Variants in ANTXR2 observed in about 807,000 individuals in gnomAD.
ANTXR2 encodes anthrax toxin receptor 2.
Under a neutral mutation model 73.7 loss-of-function variants are expected in ANTXR2, and 44 were observed. That is an observed-to-expected ratio of 0.60 (90% confidence interval 0.47 to 0.77). ANTXR2 has a LOEUF of 0.77. Ranked by LOEUF, ANTXR2 falls within the 30% of genes least tolerant of loss-of-function variation. ANTXR2 has a pLI of 0.00. For missense variants in ANTXR2, 604 were observed against 592.5 expected, an observed-to-expected ratio of 1.02 and a Z score of -0.20; for synonymous variants, 217 against 205.9, an observed-to-expected ratio of 1.05 and a Z score of -0.46.
At chr4:79,907,523 T>C (rs1321452296) in intron 16 of ANTXR2, 56 bp from the exon 17 acceptor site, 9 of 1,526,338 alleles carry the variant, frequency 5.9e-6, no homozygotes, top group Non-Finnish European at 8.2e-6. Flanking sequence ...TAAAAAAGCA[T>C]GAGAACATCT....
intron 10 of ANTXR2, among the ~76,000 whole-genome samples, chr4:80,026,317 T>TC (rs1328255803): frequency 6.6e-6 from 1 of 151,950 alleles, no homozygotes; most frequent in South Asian, 2.1e-4. Flanking sequence ...AGGTCTTTGC[T>TC]CCCCCTTAGC....
chr4:80,013,090 GAAA>G (rs1161655910), intron 11 of ANTXR2, among the ~76,000 whole-genome samples: 3 of 151,356 alleles, frequency 2.0e-5, no homozygotes, highest in African/African-American at 4.8e-5. Flanking sequence ...GATTCCAAGA[GAAA>G]AAAAAGGACA....
At chr4:80,050,376 G>A (rs1180535833) in intron 7 of ANTXR2, among the ~76,000 whole-genome samples, 1 of 151,498 alleles carries the variant, frequency 6.6e-6, no homozygotes, top group African/African-American at 2.4e-5. Flanking sequence ...TCAGTGCCAT[G>A]TCCTTTTGTA....
chr4:79,912,217 G>A (rs1195433365), intron 16 of ANTXR2, among the ~76,000 whole-genome samples: 2 of 151,754 alleles, frequency 1.3e-5, no homozygotes, highest in East Asian at 1.9e-4. Flanking sequence ...ATGCTATAGC[G>A]AAATACATTT....
At position 80,072,764 on chromosome 4, in the gene ANTXR2, A is replaced by T; in HGVS notation, c.-204T>A. ...TGAGAGGACAAAGGGAGTCTCCGCCACCGCCGCAGCTGCCGCCGGAACTCT... is the reference window on the plus strand; with the variant it reads ...TGAGAGGACAAAGGGAGTCTCCGCCTCCGCCGCAGCTGCCGCCGGAACTCT... On this transcript the variant is annotated 5_prime_UTR_variant, in exon 1 of 17. Coordinates refer to ENST00000403729, the MANE Select transcript of ANTXR2 (RefSeq NM_058172.6). 1 of 1,255,358 alleles carries T rather than the reference A, an allele frequency of 8.0e-7. No homozygotes were observed. The highest frequency in any genetic ancestry group is 1.0e-6 in the Non-Finnish European group (1 of 993,328). The allele number at this position is 1,255,358 out of a possible 1,614,324, so 77.8% of individuals were successfully genotyped here.
chr4:79,925,393 T>G (rs1727745324), intron 16 of ANTXR2, among the ~76,000 whole-genome samples: 1 of 151,958 alleles, frequency 6.6e-6, no homozygotes, highest in Non-Finnish European at 1.5e-5. Context: ...TTAACATATG[T>G]TTAAAACAGA....
In ANTXR2 at chr4:80,016,344, T is replaced by C. The variant is rs566881545; in HGVS notation, c.945+2554A>G. 9.2e-5 allele frequency among the ~76,000 whole-genome samples: 14 copies of C among 152,244 alleles called. No individual in the cohort carries two copies. In the South Asian group the frequency reaches 1.4e-3, roughly 16 times the overall value. On this transcript the variant is annotated intron_variant, in intron 11 of 16. Transcript: ENST00000403729. The stretch of plus-strand genomic sequence containing the variant: ...GTCAACACATCCCCACCCTGTTTGC[T>C]CTTTCTCTATAATATGCTCCCCATC...
intron 10 of ANTXR2, among the ~76,000 whole-genome samples, chr4:80,024,116 T>G: frequency 6.6e-6 from 1 of 152,140 alleles, no homozygotes; most frequent in South Asian, 2.1e-4. Context: ...TGAGACATAT[T>G]AGGAGTTAGA....
intron 8 of ANTXR2, among the ~76,000 whole-genome samples, chr4:80,034,345 C>T (rs1732853806): frequency 6.6e-6 from 1 of 152,066 alleles, no homozygotes; most frequent in South Asian, 2.1e-4. Context: ...GTGATTAACG[C>T]TTATTTAAAA....
intron 3 of ANTXR2, among the ~76,000 whole-genome samples, chr4:80,068,377 TTTA>T (rs1235499720): frequency 6.6e-6 from 1 of 152,190 alleles, no homozygotes; most frequent in Non-Finnish European, 1.5e-5. Context: ...TCAACAAGAA[TTTA>T]TTGACCAAAA....
At chr4:80,072,382 G>A in intron 1 of ANTXR2, 27 bp downstream of exon 1, 1 of 1,559,420 alleles carries the variant, frequency 6.4e-7, no homozygotes. Context: ...CTCACCAGGA[G>A]ACCCTGGACC....
intron 12 of ANTXR2, among the ~76,000 whole-genome samples, chr4:79,992,270 A>G (rs187348803): frequency 6.6e-6 from 1 of 151,942 alleles, no homozygotes; most frequent in East Asian, 1.9e-4. Flanking sequence ...CCATAGTGAA[A>G]GGGTTTTTAT....
intron 16 of ANTXR2, among the ~76,000 whole-genome samples, chr4:79,954,564 CAA>C (rs1288664887): frequency 6.6e-6 from 1 of 152,002 alleles, no homozygotes; most frequent in Non-Finnish European, 1.5e-5. Flanking sequence ...GAGCCTTGTG[CAA>C]TGTGCCACTG....
At chr4:80,020,627 C>T (rs903474456) in intron 10 of ANTXR2, among the ~76,000 whole-genome samples, 7 of 152,110 alleles carry the variant, frequency 4.6e-5, no homozygotes, top group African/African-American at 1.4e-4. Context: ...CAAAGTAATA[C>T]AGCTAGGATT....
chr4:80,006,616 G>C (rs1462860835), intron 12 of ANTXR2, among the ~76,000 whole-genome samples: 1 of 152,004 alleles, frequency 6.6e-6, no homozygotes, highest in Non-Finnish European at 1.5e-5. Flanking sequence ...CTCCCTTTAT[G>C]CCTCGTAGAA....
rs1726951746 is a variant in ANTXR2 at position 79,907,275 on chromosome 4, A to G, written c.*154T>C. The G allele has an allele frequency of 1.2e-6, 1 of 804,722 alleles. No homozygotes were observed. The highest frequency in any genetic ancestry group is 2.0e-6 in the Non-Finnish European group (1 of 492,076). 49.8% of individuals were successfully genotyped at this position (804,722 alleles called of 1,614,324 possible). On this transcript the variant is annotated 3_prime_UTR_variant, in exon 17 of 17. Coordinates refer to ENST00000403729, the MANE Select transcript of ANTXR2 (RefSeq NM_058172.6). ...GTGTTTAGAAATGTTTGGTGCAAGC[A>G]AAGCAGAAGGCAGAGAAAACATTTC...
chr4:80,025,344 T>A (rs1732378471), intron 10 of ANTXR2, among the ~76,000 whole-genome samples: 1 of 152,176 alleles, frequency 6.6e-6, no homozygotes. Context: ...CTAAGAAATG[T>A]TATACTCCAT....
At chr4:79,994,546 T>C (rs1050028839) in intron 12 of ANTXR2, among the ~76,000 whole-genome samples, 1 of 149,872 alleles carries the variant, frequency 6.7e-6, no homozygotes, top group Non-Finnish European at 1.5e-5. Flanking sequence ...TGCACTGTTA[T>C]ATAAATTTCT....
At chr4:80,072,125 C>T (rs76348513) in intron 1 of ANTXR2, among the ~76,000 whole-genome samples, 2 of 152,136 alleles carry the variant, frequency 1.3e-5, no homozygotes, top group South Asian at 4.1e-4. Flanking sequence ...CCGCAAGAGG[C>T]CACACTCCCA....
Sources: gnomAD v4.1 joint callset for allele counts (sites outside exome capture counted in the v4.1 genomes callset) on GRCh38, gnomAD v4.1.1 for gene constraint, MANE v1.5 for transcripts, NCBI Gene and HGNC (gene_info 2026-07-23, HGNC 2026-07-21) for gene names.